MRPL42: variants seen among roughly 807,000 people sequenced by gnomAD.
The protein encoded by MRPL42 is large ribosomal subunit protein mL42.
MRPL42 carries 17 observed loss-of-function variants against 17.9 expected under a neutral mutation model. The ratio of observed to expected loss-of-function variants is 0.95; its 90% CI spans 0.65 to 1.42. MRPL42 has a LOEUF of 1.42. MRPL42 is among the 40% of genes most tolerant of loss of function. MRPL42 has a pLI of 0.00. For missense variants in MRPL42, 177 were observed against 175.2 expected (o/e 1.01, Z -0.06); for synonymous variants, 59 against 54.4 (o/e 1.08, Z -0.37).
chr12:93,494,929 A>ACC (rs1555202226), intron 5 of MRPL42, among the ~76,000 whole-genome samples: 1 of 81,400 alleles, frequency 1.2e-5, no homozygotes, highest in East Asian at 2.4e-4. Flanking sequence ...ACCATCAGGA[A>ACC]CTCTAGAGAT....
chr12:93,501,447 T>G lies in MRPL42; in HGVS notation c.*226T>G. ...ATTTTAGTGTTTCATTTATGTGCGG[T>G]CTCCAATTTAGGACTTTTCCATAGT... is the stretch of plus-strand genomic sequence containing the variant. On this transcript the variant is annotated 3_prime_UTR_variant, in exon 6 of 6. Transcript: ENST00000549982. The G allele has an allele frequency of 3.2e-6, 1 of 310,912 alleles. No homozygotes were observed. The highest frequency in any genetic ancestry group is 5.0e-5 in the Admixed American group (1 of 19,950). 19.3% of individuals were successfully genotyped at this position (310,912 alleles called of 1,614,324 possible).
chr12:93,483,804 T>A lies in MRPL42; in HGVS notation c.220-3693T>A, dbSNP rs568226644. On this transcript the variant is annotated intron_variant, in intron 4 of 5. Coordinates refer to ENST00000549982, the MANE Select transcript of MRPL42 (RefSeq NM_014050.4). ...TTAAACTTAATAAACTTAAAAAAAATTTAATACTTTTTTACTCTTTTGTAA... is the reference window on the plus strand; with the variant it reads ...TTAAACTTAATAAACTTAAAAAAAAATTAATACTTTTTTACTCTTTTGTAA... Among the ~76,000 whole-genome samples the A allele has an allele frequency of 2.4e-3, 365 of 152,302 alleles. 2 individuals carry two copies. Among genetic ancestry groups the A allele is most frequent in the Non-Finnish European group, 4.4e-3 (297 of 68,030 alleles).
At position 93,502,923 on chromosome 12, in the gene MRPL42, G is replaced by A. The variant is rs1231211758; in HGVS notation, c.*1702G>A. 1 of 152,184 alleles carries A rather than the reference G, an allele frequency of 6.6e-6. No homozygotes were observed. The highest frequency in any genetic ancestry group is 1.5e-5 in the Non-Finnish European group (1 of 68,052). 9.4% of individuals were successfully genotyped at this position (152,184 alleles called of 1,614,324 possible). ...TCTACTGGAAGTATAGATTAACACT[G>A]TGCTTTCTGGGATTTTGCTTTTCAT... On this transcript the variant is annotated 3_prime_UTR_variant, in exon 6 of 6. Transcript: ENST00000549982.
intron 4 of MRPL42, among the ~76,000 whole-genome samples, chr12:93,483,133 G>A (rs1410703623): frequency 6.6e-6 from 1 of 152,094 alleles, no homozygotes; most frequent in African/African-American, 2.4e-5. Context: ...GGCCTCAAGT[G>A]ATCTGCCTGC....
intron 5 of MRPL42, among the ~76,000 whole-genome samples, chr12:93,494,595 G>A (rs1953461010): frequency 6.6e-6 from 1 of 152,150 alleles, no homozygotes; most frequent in African/African-American, 2.4e-5. Flanking sequence ...ACCAAGTTAA[G>A]GATACCTACT....
chr12:93,490,424 G>A (rs973601), intron 5 of MRPL42, among the ~76,000 whole-genome samples: 101,968 of 152,060 alleles, frequency 0.67, 34,427 homozygotes, highest in Middle Eastern at 0.72. Flanking sequence ...GCTTGGCAGA[G>A]AAACCCCAGA....
intron 5 of MRPL42, among the ~76,000 whole-genome samples, chr12:93,499,574 A>G (rs1953553461): frequency 6.6e-6 from 1 of 152,132 alleles, no homozygotes; most frequent in African/African-American, 2.4e-5. Context: ...GTACTAGTAC[A>G]ACCTTGATTA....
intron 4 of MRPL42, among the ~76,000 whole-genome samples, chr12:93,480,363 C>T (rs562233891): frequency 2.2e-4 from 33 of 151,928 alleles, no homozygotes; most frequent in African/African-American, 7.2e-4. Context: ...TTAGGTGATC[C>T]GCCTGCCTCG....
rs1225813203 is a variant in MRPL42 at position 93,501,889 on chromosome 12, G to GGTAAAGAAAAGAAA, written c.*668_*669insGTAAAGAAAAGAAA. ...TGGCTTCTAGGAAATAATTAAATTAGTGATATTTTAATCAGGTTTTACTAT... is the reference window on the plus strand; with the variant it reads ...TGGCTTCTAGGAAATAATTAAATTAGGTAAAGAAAAGAAATGATATTTTAATCAGGTTTTACTAT... On this transcript the variant is annotated 3_prime_UTR_variant, in exon 6 of 6. Transcript: ENST00000549982. 7.6e-6 allele frequency: 1 copy of GGTAAAGAAAAGAAA among 131,460 alleles called. No homozygotes were observed. 8.1% of individuals were successfully genotyped at this position (131,460 alleles called of 1,614,324 possible).
At chr12:93,494,973 C>G (rs1953470775) in intron 5 of MRPL42, among the ~76,000 whole-genome samples, 2 of 152,224 alleles carry the variant, frequency 1.3e-5, no homozygotes, top group Admixed American at 6.5e-5. Context: ...GAAACTCCGA[C>G]CAGCTTGTGC....
chr12:93,495,087 G>C, intron 5 of MRPL42, among the ~76,000 whole-genome samples: 1 of 152,148 alleles, frequency 6.6e-6, no homozygotes, highest in East Asian at 1.9e-4. Context: ...CAATCTGTGA[G>C]ATGTGGGCCT....
rs1215308768 is a variant in MRPL42 at position 93,505,225 on chromosome 12, C to T, written c.*4004C>T. 3 of 152,174 alleles carry T rather than the reference C, an allele frequency of 2.0e-5. No individual in the cohort carries two copies. The highest frequency in any genetic ancestry group is 3.9e-4 in the East Asian group (2 of 5,180). 9.4% of individuals were successfully genotyped at this position (152,174 alleles called of 1,614,324 possible). On this transcript the variant is annotated 3_prime_UTR_variant, in exon 6 of 6. Coordinates refer to ENST00000549982, the MANE Select transcript of MRPL42 (RefSeq NM_014050.4). ...TGCAAGATAGCACGTGTGGTTTCCA[C>T]ATATTCTAAGAGGCATCTTCAATTA...
chr12:93,470,489 C>T (rs758421178), intron 2 of MRPL42: 13 of 1,279,346 alleles, frequency 1.0e-5, no homozygotes, highest in Middle Eastern at 2.2e-4. Flanking sequence ...ATTTTAGATT[C>T]GGGCGTACAT....
rs1157833042 is a variant in MRPL42 at position 93,478,941 on chromosome 12, TA to T, written c.135-446del. 5.3e-3 allele frequency among the ~76,000 whole-genome samples: 437 copies of T among 83,036 alleles called. 2 individuals carry two copies. The highest frequency in any genetic ancestry group is 0.021 in the Middle Eastern group (3 of 146). 54.5% of individuals were successfully genotyped at this position (83,036 alleles called of 152,430 possible). A position where few individuals can be genotyped will look rare whatever the true frequency, so the allele number is the denominator to read the frequency against. Reference sequence around the variant, plus strand: ...TTATTTATTTATTTATTTATTTATTTATTTTTTTGAGATGGAGTCTCATTCT... The same window carrying T: ...TTATTTATTTATTTATTTATTTATTTTTTTTTTGAGATGGAGTCTCATTCT... On this transcript the variant is annotated intron_variant, in intron 3 of 5. Transcript: ENST00000549982.
intron 4 of MRPL42, 95 bp downstream of exon 4, chr12:93,479,567 T>C: frequency 1.5e-6 from 1 of 661,450 alleles, no homozygotes; most frequent in Non-Finnish European, 2.3e-6. Flanking sequence ...CATCTGATTT[T>C]CTTTGTTTTA....
Position 93,509,864 on chromosome 12 carries a change from G to C in MRPL42, c.*8643G>C, listed in dbSNP as rs1005485993. ...CAGAAATAACTTATATATCCTCAGT[G>C]CTCCCCTCCCCCATGCCTCCCTCAT... On this transcript the variant is annotated 3_prime_UTR_variant, in exon 6 of 6. Coordinates refer to ENST00000549982, the MANE Select transcript of MRPL42 (RefSeq NM_014050.4). 2 of 151,880 alleles carry C rather than the reference G, an allele frequency of 1.3e-5. No homozygotes were observed. Among genetic ancestry groups the C allele is most frequent in the African/African-American group, 4.8e-5 (2 of 41,344 alleles). 9.4% of individuals were successfully genotyped at this position (151,880 alleles called of 1,614,324 possible).
At chr12:93,488,983 G>T (rs79820518) in intron 5 of MRPL42, among the ~76,000 whole-genome samples, 1 of 151,660 alleles carries the variant, frequency 6.6e-6, no homozygotes, top group African/African-American at 2.4e-5. Context: ...ACTCTGCCAC[G>T]CCCAGCTAGT....
rs1419047862 is a variant in MRPL42 at position 93,503,572 on chromosome 12, CG to C, written c.*2355del. Reference sequence around the variant, plus strand: ...ATTGTTTTAATTTTTTTTATAGAGACGGGGTTTCGCCATGTTGCCCAGGCTG... The same window carrying C: ...ATTGTTTTAATTTTTTTTATAGAGACGGGTTTCGCCATGTTGCCCAGGCTG... On this transcript the variant is annotated 3_prime_UTR_variant, in exon 6 of 6. Coordinates refer to ENST00000549982, the MANE Select transcript of MRPL42 (RefSeq NM_014050.4). 1 of 151,734 alleles carries C rather than the reference CG, an allele frequency of 6.6e-6. No individual in the cohort carries two copies. Among genetic ancestry groups the C allele is most frequent in the Non-Finnish European group, 1.5e-5 (1 of 67,986 alleles). 9.4% of individuals were successfully genotyped at this position (151,734 alleles called of 1,614,324 possible).
At chr12:93,473,091 T>C (rs747505425) in intron 2 of MRPL42, among the ~76,000 whole-genome samples, 1 of 152,228 alleles carries the variant, frequency 6.6e-6, no homozygotes, top group African/African-American at 2.4e-5. Flanking sequence ...AATATATATA[T>C]GTAACAAGAA....
Sources: allele counts gnomAD v4.1 joint callset (sites outside exome capture counted in the v4.1 genomes callset), GRCh38; gene constraint gnomAD v4.1.1; transcripts MANE v1.5; gene names NCBI Gene and HGNC (gene_info 2026-07-23, HGNC 2026-07-21).